EFCAB8: variants seen among roughly 807,000 people sequenced by gnomAD.
The protein encoded by EFCAB8 is EF-hand calcium-binding domain-containing protein 8.
In EFCAB8, 100 loss-of-function variants were observed where a neutral mutation model predicts 116.3. The ratio of observed to expected loss-of-function variants is 0.86; its 90% CI spans 0.73 to 1.02. The LOEUF (loss-of-function observed/expected upper bound fraction) is 1.02. Among genes scored for constraint, EFCAB8 ranks in the 50% least tolerant of loss-of-function variants. The pLI, the probability that EFCAB8 is intolerant of heterozygous loss-of-function variation, is 0.00. For missense variants in EFCAB8, 1,320 were observed against 1,416.9 expected, an observed-to-expected ratio of 0.93 and a Z score of 1.10; for synonymous variants, 558 against 567.9, an observed-to-expected ratio of 0.98 and a Z score of 0.25.
intron 3 of EFCAB8, among the ~76,000 whole-genome samples, chr20:32,871,317 A>T (rs13043436): frequency 1.3e-5 from 2 of 151,424 alleles, no homozygotes; most frequent in Non-Finnish European, 2.9e-5. Context: ...TGTGTAGCCC[A>T]GGGTGGAGTG....
intron 2 of EFCAB8, 25 bp downstream of exon 2, chr20:32,863,859 A>G: frequency 6.4e-7 from 1 of 1,550,890 alleles, no homozygotes; most frequent in Non-Finnish European, 8.7e-7. Flanking sequence ...TATCTGAACT[A>G]ATAAAGGGTG....
At chr20:32,929,502 G>GTT (rs11483446) in intron 20 of EFCAB8, among the ~76,000 whole-genome samples, 75 of 70,016 alleles carry the variant, frequency 1.1e-3, no homozygotes, top group Non-Finnish European at 1.4e-3. Flanking sequence ...CTTCCCTTCT[G>GTT]TTTTTTTTTT....
chr20:32,869,815 T>C (rs1043769457), intron 3 of EFCAB8, among the ~76,000 whole-genome samples: 2 of 152,194 alleles, frequency 1.3e-5, no homozygotes, highest in Non-Finnish European at 2.9e-5. Context: ...TCCTAAGGAA[T>C]TTTCCATATT....
intron 20 of EFCAB8, among the ~76,000 whole-genome samples, chr20:32,923,512 GA>G (rs1288977047): frequency 6.6e-6 from 1 of 151,732 alleles, no homozygotes; most frequent in East Asian, 1.9e-4. Flanking sequence ...CACCACCTAT[GA>G]AAAAAAATGA....
At chr20:32,892,875 C>T (rs894321941) in intron 8 of EFCAB8, among the ~76,000 whole-genome samples, 5 of 148,262 alleles carry the variant, frequency 3.4e-5, no homozygotes, top group Non-Finnish European at 7.4e-5. Flanking sequence ...GAGTCTCACT[C>T]TGTGTCCCAG....
intron 8 of EFCAB8, among the ~76,000 whole-genome samples, 177 bp downstream of exon 8, chr20:32,892,474 G>GGGTCACCTCTCAT (rs1327563814): frequency 6.6e-6 from 1 of 152,106 alleles, no homozygotes; most frequent in Non-Finnish European, 1.5e-5. Context: ...TTCTCTCTCA[G>GGGTCACCTCTCAT]GGTCACCTCT....
At chr20:32,886,172 GT>G (rs1348265677) in intron 6 of EFCAB8, among the ~76,000 whole-genome samples, 2 of 152,192 alleles carry the variant, frequency 1.3e-5, no homozygotes, top group Non-Finnish European at 2.9e-5. Flanking sequence ...CTGTGCCTCA[GT>G]TTTCCCATCT....
At chr20:32,896,971 G>A (rs1228803286) in intron 10 of EFCAB8, among the ~76,000 whole-genome samples, 5 of 152,142 alleles carry the variant, frequency 3.3e-5, no homozygotes, top group East Asian at 1.9e-4. Flanking sequence ...CTGCTTGCAA[G>A]CTCTGGGCTT....
intron 22 of EFCAB8, among the ~76,000 whole-genome samples, chr20:32,935,830 C>T (rs1350882562): frequency 1.3e-5 from 2 of 151,894 alleles, no homozygotes; most frequent in Non-Finnish European, 2.9e-5. Context: ...TTGGGTTATT[C>T]GTTTTCTGGC....
intron 11 of EFCAB8, among the ~76,000 whole-genome samples, chr20:32,903,862 A>G (rs2146231417): frequency 6.6e-6 from 1 of 152,224 alleles, no homozygotes; most frequent in Middle Eastern, 3.4e-3. Flanking sequence ...AGGCTGGATA[A>G]TGGGAGCCAC....
intron 5 of EFCAB8, among the ~76,000 whole-genome samples, chr20:32,880,949 G>C (rs991700999): frequency 6.6e-6 from 1 of 152,142 alleles, no homozygotes; most frequent in Non-Finnish European, 1.5e-5. Flanking sequence ...TTTGAACATA[G>C]AGAACACAGC....
At position 32,961,658 on chromosome 20, in the gene EFCAB8, G is replaced by A. The variant is rs529470677; in HGVS notation, c.*49G>A. 6.2e-6 allele frequency: 7 copies of A among 1,135,754 alleles called. No homozygotes were observed. Among genetic ancestry groups the A allele is most frequent in the Non-Finnish European group, 7.9e-6 (7 of 884,250 alleles). The allele number at this position is 1,135,754 out of a possible 1,614,324, so 70.4% of individuals were successfully genotyped here. A position where few individuals can be genotyped will look rare whatever the true frequency, so the allele number is the denominator to read the frequency against. ...CCTCCAGCAGGGCAACCAGGCCCAT[G>A]GCGGTCCTGCATGTTCTCGGCTTAT... On this transcript the variant is annotated 3_prime_UTR_variant, in exon 27 of 27. Transcript: ENST00000400522.
intron 2 of EFCAB8, among the ~76,000 whole-genome samples, chr20:32,866,289 T>A (rs1210640142): frequency 6.6e-6 from 1 of 152,214 alleles, no homozygotes; most frequent in Non-Finnish European, 1.5e-5. Context: ...CCTTGTCTTT[T>A]GGCTTTTTGA....
chr20:32,917,730 T>C (rs919471206), intron 18 of EFCAB8, among the ~76,000 whole-genome samples: 2 of 152,124 alleles, frequency 1.3e-5, no homozygotes, highest in Non-Finnish European at 2.9e-5. Context: ...TTGCCTAAGG[T>C]CACACAGCCA....
chr20:32,886,164 G>A (rs1985618572), intron 6 of EFCAB8, among the ~76,000 whole-genome samples: 1 of 152,196 alleles, frequency 6.6e-6, no homozygotes. Context: ...TATACTCCCT[G>A]TGCCTCAGTT....
chr20:32,920,247 G>A (rs1282049345), intron 20 of EFCAB8, 32 bp downstream of exon 20: 5 of 1,549,844 alleles, frequency 3.2e-6, no homozygotes, highest in Non-Finnish European at 4.4e-6. Context: ...AGAGGGATAT[G>A]AGCTGGGGAG....
intron 3 of EFCAB8, among the ~76,000 whole-genome samples, chr20:32,871,058 G>A (rs756334475): frequency 2.0e-5 from 3 of 151,704 alleles, no homozygotes; most frequent in Non-Finnish European, 2.9e-5. Flanking sequence ...TCACCATGTT[G>A]GTCAGGCTAG....
At chr20:32,896,307 A>G (rs927437833) in intron 9 of EFCAB8, 147 bp from the exon 10 acceptor site, 2 of 625,830 alleles carry the variant, frequency 3.2e-6, no homozygotes, top group African/African-American at 3.7e-5. Flanking sequence ...TCACCAGGAC[A>G]CAGTGAGGTG....
chr20:32,925,586 C>T (rs1987638910), intron 20 of EFCAB8, among the ~76,000 whole-genome samples: 1 of 152,208 alleles, frequency 6.6e-6, no homozygotes, highest in Non-Finnish European at 1.5e-5. Context: ...CTCCTGGCCT[C>T]AAGTGATCCT....
Sources: gnomAD v4.1 joint callset for allele counts (sites outside exome capture counted in the v4.1 genomes callset) on GRCh38, gnomAD v4.1.1 for gene constraint, MANE v1.5 for transcripts, NCBI Gene and HGNC (gene_info 2026-07-23, HGNC 2026-07-21) for gene names.